The following RNF169 variants were observed in gnomAD, a reference collection of about 807,000 sequenced individuals.
RNF169 encodes ring finger protein 169, also known as E3 ubiquitin-protein ligase RNF169.
A neutral mutation model predicts 53.9 loss-of-function variants in RNF169; 24 were observed. That is an observed-to-expected ratio of 0.45 (90% CI 0.32 to 0.63). The LOEUF (loss-of-function observed/expected upper bound fraction) is 0.63, where lower values mean the gene tolerates loss of function less well. Ranked by LOEUF, RNF169 falls within the 20% of genes least tolerant of loss-of-function variation. The pLI is 0.04. For missense variants in RNF169, 883 were observed against 906.2 expected, an observed-to-expected ratio of 0.97 and a Z score of 0.33; for synonymous variants, 396 against 363.5, an observed-to-expected ratio of 1.09 and a Z score of -1.02.
intron 1 of RNF169, among the ~76,000 whole-genome samples, chr11:74,769,899 G>T (rs1056326456): frequency 2.0e-5 from 3 of 152,014 alleles, no homozygotes; most frequent in African/African-American, 7.3e-5. Context: ...AGGCTGAAGC[G>T]ATCCTCCCAC....
In RNF169 at chr11:74,763,455, A is replaced by G. The variant is rs531527698; in HGVS notation, c.502+14073A>G. Among the ~76,000 whole-genome samples, 106 of 152,368 alleles carry G rather than the reference A, an allele frequency of 7.0e-4. 2 individuals are homozygous for G. The highest frequency in any genetic ancestry group is 2.3e-3 in the African/African-American group (94 of 41,586). ...TTAAATTAGCATATTTTAAGTGGCT[A>G]AAGACTTTAAAGAATTGACATCCCA... is the stretch of plus-strand genomic sequence containing the variant. On this transcript the variant is annotated intron_variant, in intron 1 of 5. Transcript: ENST00000299563.
At chr11:74,783,234 T>A (rs978845327) in intron 1 of RNF169, among the ~76,000 whole-genome samples, 83 of 151,034 alleles carry the variant, frequency 5.5e-4, no homozygotes, top group African/African-American at 2.0e-3. Context: ...TATCTTGTAG[T>A]TTGTTTTGTT....
At chr11:74,827,826 T>C (rs1369106939) in intron 4 of RNF169, among the ~76,000 whole-genome samples, 2 of 152,146 alleles carry the variant, frequency 1.3e-5, no homozygotes, top group East Asian at 1.9e-4. Flanking sequence ...TGAAGGAACA[T>C]ACCTCAAAAT....
Position 74,805,883 on chromosome 11 carries a change from G to A in RNF169, c.577-4301G>A, listed in dbSNP as rs1037652385. ...ACTTTTTATTTAGGCAGGTTTTGCA[G>A]GGCCTACTCTGAGACTTAAGTATGC... is the stretch of plus-strand genomic sequence containing the variant. On this transcript the variant is annotated intron_variant, in intron 2 of 5. Coordinates refer to ENST00000299563, the MANE Select transcript of RNF169 (RefSeq NM_001098638.2). 7.2e-5 allele frequency among the ~76,000 whole-genome samples: 11 copies of A among 152,080 alleles called. 1 individual carries two copies. The highest frequency in any genetic ancestry group is 2.7e-4 in the African/African-American group (11 of 41,456).
chr11:74,789,844 T>G, intron 2 of RNF169, 145 bp downstream of exon 2: 1 of 474,866 alleles, frequency 2.1e-6, no homozygotes, highest in Non-Finnish European at 3.7e-6. Flanking sequence ...CCTAGTTAGA[T>G]TTGGAGCTAT....
intron 1 of RNF169, among the ~76,000 whole-genome samples, chr11:74,756,015 T>G (rs2034976412): frequency 6.6e-6 from 1 of 152,098 alleles, no homozygotes; most frequent in South Asian, 2.1e-4. Flanking sequence ...GAGTAGAAAC[T>G]GGAGGTGGGG....
chr11:74,836,335 C>A lies in RNF169; in HGVS notation c.1732C>A (p.Pro578Thr). The A allele has an allele frequency of 6.2e-7, 1 of 1,614,096 alleles. No individual in the cohort carries two copies. The highest frequency in any genetic ancestry group is 8.5e-7 in the Non-Finnish European group (1 of 1,179,964). Residue 578 changes from proline (P) to threonine (T), a missense_variant, in exon 6 of 6, where the codon CCC (proline) becomes ACC (threonine). By Grantham distance (38) the Pro-to-Thr change is conservative. Transcript: ENST00000299563. Reference sequence around the variant, plus strand: ...AATCACCACAGTTAATTCAGTGCTACCCCAAAACAGTGTTTTGGGTGGAGT... The same window carrying A: ...AATCACCACAGTTAATTCAGTGCTAACCCAAAACAGTGTTTTGGGTGGAGT... ...MKITTVNSVLPQNSVLGGVLK... is the reference protein window; with the variant it reads ...MKITTVNSVLTQNSVLGGVLK...
chr11:74,758,802 C>A (rs2035028425), intron 1 of RNF169, among the ~76,000 whole-genome samples: 1 of 152,152 alleles, frequency 6.6e-6, no homozygotes, highest in South Asian at 2.1e-4. Flanking sequence ...CCGCGCCCGG[C>A]CGTCCATATG....
intron 4 of RNF169, among the ~76,000 whole-genome samples, chr11:74,827,273 C>T (rs2036112922): frequency 6.6e-6 from 1 of 152,154 alleles, no homozygotes; most frequent in Admixed American, 6.5e-5. Context: ...GTACATTGGC[C>T]CCTTTTAGCC....
chr11:74,760,666 G>T (rs1395564755), intron 1 of RNF169, among the ~76,000 whole-genome samples: 105 of 138,850 alleles, frequency 7.6e-4, no homozygotes, highest in South Asian at 1.2e-3. Context: ...TTGCACTGTG[G>T]TCTGAGAGAT....
chr11:74,834,597 A>G, intron 4 of RNF169, 79 bp from the exon 5 acceptor site: 1 of 996,014 alleles, frequency 1.0e-6, no homozygotes. Context: ...CTTAGAAAGC[A>G]AAAAGATATT....
chr11:74,829,822 C>A (rs1433969181), intron 4 of RNF169, among the ~76,000 whole-genome samples: 1 of 151,954 alleles, frequency 6.6e-6, no homozygotes, highest in African/African-American at 2.4e-5. Context: ...TGTGGGGAAA[C>A]TGGGGAAACA....
At chr11:74,786,381 C>T (rs2035503344) in intron 1 of RNF169, among the ~76,000 whole-genome samples, 1 of 151,876 alleles carries the variant, frequency 6.6e-6, no homozygotes, top group South Asian at 2.1e-4. Flanking sequence ...TATAGGTGTG[C>T]ACCATCATGC....
At chr11:74,790,434 G>C (rs2035563175) in intron 2 of RNF169, among the ~76,000 whole-genome samples, 1 of 152,174 alleles carries the variant, frequency 6.6e-6, no homozygotes, top group South Asian at 2.1e-4. Flanking sequence ...ATAAGATAGA[G>C]GTGAAACAAT....
chr11:74,812,246 A>G (rs2035885193), intron 3 of RNF169, among the ~76,000 whole-genome samples: 1 of 152,018 alleles, frequency 6.6e-6, no homozygotes, highest in Admixed American at 6.5e-5. Context: ...CAAGTTTTAG[A>G]TTTTTGTGAT....
chr11:74,815,925 C>G (rs1406508397), intron 3 of RNF169, among the ~76,000 whole-genome samples: 1 of 152,050 alleles, frequency 6.6e-6, no homozygotes, highest in African/African-American at 2.4e-5. Flanking sequence ...TATCTTTTTT[C>G]TAGAGTTGAG....
chr11:74,786,267 G>A (rs1473217605), intron 1 of RNF169, among the ~76,000 whole-genome samples: 2 of 143,444 alleles, frequency 1.4e-5, no homozygotes, highest in African/African-American at 5.2e-5. Context: ...TTTTTTAAGA[G>A]TTGAAGTCTT....
rs754811325 is a variant in RNF169 at position 74,748,951 on chromosome 11, G to A, written c.71G>A (p.Arg24Gln). ...GCAGCCGCTCTGAGTCGGCGGGGCC[G>A]GCGGGGCCGCTGTGACGAGACGGCG... is the stretch of plus-strand genomic sequence containing the variant. ...AAAAALSRRG[R>Q]RGRCDETAAA... is the part of the protein sequence containing the mutation. Residue 24 changes from arginine (R) to glutamine (Q), a missense_variant, in exon 1 of 6, where the codon CGG becomes CAG. By Grantham distance (43) the Arg-to-Gln change is conservative (BLOSUM62 1). Coordinates refer to ENST00000299563, the MANE Select transcript of RNF169 (RefSeq NM_001098638.2). 7.5e-6 allele frequency: 11 copies of A among 1,466,006 alleles called. No individual in the cohort carries two copies. In the East Asian group the frequency reaches 1.2e-4, roughly 15 times the overall value. 90.8% of individuals were successfully genotyped at this position (1,466,006 alleles called of 1,614,324 possible).
intron 1 of RNF169, among the ~76,000 whole-genome samples, chr11:74,753,071 C>G (rs908009787): frequency 2.6e-5 from 4 of 152,152 alleles, no homozygotes; most frequent in Non-Finnish European, 5.9e-5. Context: ...CCGGTTCAAG[C>G]GATTCTCCTG....
Sources: allele counts gnomAD v4.1 joint callset (sites outside exome capture counted in the v4.1 genomes callset), GRCh38; gene constraint gnomAD v4.1.1; transcripts MANE v1.5; gene names NCBI Gene and HGNC (gene_info 2026-07-23, HGNC 2026-07-21).